Variants in CTNNA2 observed in about 807,000 individuals in gnomAD.
The protein encoded by CTNNA2 is catenin alpha 2.
CTNNA2 carries 42 observed loss-of-function variants against 101.0 expected under a neutral mutation model. The observed-to-expected ratio is 0.42, with a 90% CI of 0.32 to 0.54. The LOEUF is 0.54. CTNNA2 is among the 20% of genes least tolerant of loss of function. The pLI, the probability that CTNNA2 is intolerant of heterozygous loss-of-function variation, is 0.14. For synonymous variants in CTNNA2, 450 were observed against 456.4 expected (o/e 0.99, Z 0.18); for missense variants, 871 against 1,223.1 (o/e 0.71, Z 4.29).
chr2:79,544,038 A>C (rs1255555502), intron 1 of CTNNA2, among the ~76,000 whole-genome samples: 1 of 152,110 alleles, frequency 6.6e-6, no homozygotes, highest in East Asian at 1.9e-4. Flanking sequence ...TCCTGGGTTC[A>C]AGAGATTCTC....
At chr2:79,961,251 A>C (rs1246708333) in intron 7 of CTNNA2, among the ~76,000 whole-genome samples, 1 of 152,182 alleles carries the variant, frequency 6.6e-6, no homozygotes, top group Non-Finnish European at 1.5e-5. Context: ...TGTGCTGGGC[A>C]CAGACTTAAG....
At chr2:79,230,560 G>C (rs538688974) in intron 2 of CTNNA2, among the ~76,000 whole-genome samples, 1 of 152,302 alleles carries the variant, frequency 6.6e-6, no homozygotes, top group South Asian at 2.1e-4. Flanking sequence ...TTCTGCTATG[G>C]CAGTGCGGAA....
At chr2:80,125,975 G>A (rs2148886112) in intron 7 of CTNNA2, among the ~76,000 whole-genome samples, 1 of 152,194 alleles carries the variant, frequency 6.6e-6, no homozygotes, top group East Asian at 1.9e-4. Flanking sequence ...AATAATGATT[G>A]GAAAGTGCTT....
chr2:80,072,721 G>A lies in CTNNA2; in HGVS notation c.1056+162924G>A, dbSNP rs1297333672. Reference sequence around the variant, plus strand: ...ACATGTCATCAGTGAATTATTGTGGGCAATGCAAAAAGGGAAGGTGGAGCA... The same window carrying A: ...ACATGTCATCAGTGAATTATTGTGGACAATGCAAAAAGGGAAGGTGGAGCA... On this transcript the variant is annotated intron_variant, in intron 7 of 18. Transcript: ENST00000402739. 2.0e-5 allele frequency among the ~76,000 whole-genome samples: 3 copies of A among 152,034 alleles called. No individual in the cohort carries two copies. In the East Asian group the frequency reaches 5.8e-4, roughly 29 times the overall value.
intron 2 of CTNNA2, among the ~76,000 whole-genome samples, chr2:79,311,229 G>T (rs1676360614): frequency 6.6e-6 from 1 of 151,930 alleles, no homozygotes; most frequent in African/African-American, 2.4e-5. Flanking sequence ...CTAACACGGT[G>T]AAGCCCCGTC....
At chr2:79,846,486 A>T (rs371296005) in intron 3 of CTNNA2, among the ~76,000 whole-genome samples, 17 of 152,238 alleles carry the variant, frequency 1.1e-4, no homozygotes, top group East Asian at 7.7e-4. Context: ...AAATTTGGAG[A>T]TGCCGTAATG....
intron 7 of CTNNA2, among the ~76,000 whole-genome samples, chr2:80,099,480 T>G (rs1188693170): frequency 6.6e-6 from 1 of 152,130 alleles, no homozygotes; most frequent in Admixed American, 6.5e-5. Context: ...GAGAAACAAT[T>G]GAAGCAACCA....
chr2:79,935,767 A>C (rs549769139), intron 7 of CTNNA2, among the ~76,000 whole-genome samples: 4 of 152,250 alleles, frequency 2.6e-5, no homozygotes, highest in Non-Finnish European at 5.9e-5. Context: ...TTTCGAAAGA[A>C]TGTTGACAGA....
chr2:80,618,006 G>A (rs1451255925), intron 17 of CTNNA2, among the ~76,000 whole-genome samples: 1 of 151,676 alleles, frequency 6.6e-6, no homozygotes, highest in Non-Finnish European at 1.5e-5. Context: ...CCTTTTATGT[G>A]GATGGTTTCA....
intron 15 of CTNNA2, among the ~76,000 whole-genome samples, chr2:80,603,045 G>A (rs140432561): frequency 1.2e-4 from 19 of 152,074 alleles, no homozygotes; most frequent in African/African-American, 4.6e-4. Context: ...ACCCTACACG[G>A]TCTGAATAAA....
At position 80,343,617 on chromosome 2, in the gene CTNNA2, G is replaced by A. The variant is rs80247852; in HGVS notation, c.1057-49594G>A. ...TTGGCCTGCAAATTCAGGATAAAGGGCACAAGGAAAAAACAAACTTACCAT... is the reference window on the plus strand; with the variant it reads ...TTGGCCTGCAAATTCAGGATAAAGGACACAAGGAAAAAACAAACTTACCAT... On this transcript the variant is annotated intron_variant, in intron 7 of 18. Coordinates refer to ENST00000402739, the MANE Select transcript of CTNNA2 (RefSeq NM_001282597.3). 1.9e-3 allele frequency among the ~76,000 whole-genome samples: 288 copies of A among 152,116 alleles called. No homozygotes were observed. In the East Asian group the frequency reaches 0.023, roughly 12 times the overall value.
At chr2:80,523,133 G>A (rs1392866973) in intron 9 of CTNNA2, among the ~76,000 whole-genome samples, 1 of 152,124 alleles carries the variant, frequency 6.6e-6, no homozygotes, top group Non-Finnish European at 1.5e-5. Context: ...AGGAAGTATT[G>A]AATAGGTGCC....
At position 80,555,737 on chromosome 2, in the gene CTNNA2, C is replaced by G. The variant is rs1279251577; in HGVS notation, c.1585C>G (p.Gln529Glu). 6.3e-7 allele frequency: 1 copy of G among 1,579,522 alleles called. No homozygotes were observed. The highest frequency in any genetic ancestry group is 1.8e-5 in the Admixed American group (1 of 55,208). ...TGTGAACAAGTGTGTGATAGCCCTC[C>G]AAGAGGGCGATGTGGACACTCTGGA... The part of the protein sequence containing the change: ...EDVNKCVIAL[Q>E]EGDVDTLDRT... Residue 529 changes from glutamine (Q) to glutamate (E), a missense_variant, in exon 12 of 19, where the codon CAA becomes GAA. Physicochemically the swap from Gln to Glu is conservative, Grantham distance 29. Around this residue, in one of 5 missense-constraint regions of CTNNA2, gnomAD observed 647 missense variants for 831.5 expected, o/e 0.78. Transcript: ENST00000402739.
chr2:79,383,375 T>C (rs1409481608), intron 4 of CTNNA2, among the ~76,000 whole-genome samples: 1 of 152,116 alleles, frequency 6.6e-6, no homozygotes, highest in East Asian at 1.9e-4. Flanking sequence ...GGAATGGACC[T>C]TGAAGGATAG....
chr2:79,697,251 T>C (rs1422395901), intron 2 of CTNNA2, among the ~76,000 whole-genome samples: 2 of 152,160 alleles, frequency 1.3e-5, no homozygotes, highest in South Asian at 2.1e-4. Context: ...AGTTATGCAA[T>C]GTCACTCCTG....
chr2:79,418,026 G>A (rs1460145624), intron 4 of CTNNA2, among the ~76,000 whole-genome samples: 3 of 152,020 alleles, frequency 2.0e-5, no homozygotes, highest in East Asian at 3.9e-4. Context: ...AGGGGTAGGC[G>A]GATAGGGTAT....
chr2:79,257,947 G>A (rs1558589361), intron 2 of CTNNA2, among the ~76,000 whole-genome samples: 3 of 152,036 alleles, frequency 2.0e-5, no homozygotes. Flanking sequence ...GTCTTTCTTT[G>A]GCAATCTTTG....
intron 1 of CTNNA2, among the ~76,000 whole-genome samples, chr2:79,632,996 C>A (rs932230522): frequency 6.6e-6 from 1 of 152,144 alleles, no homozygotes; most frequent in Non-Finnish European, 1.5e-5. Context: ...AAGTGCTGGG[C>A]AGATTTTCAC....
At chr2:80,400,938 G>A (rs943951246) in intron 8 of CTNNA2, among the ~76,000 whole-genome samples, 1 of 152,092 alleles carries the variant, frequency 6.6e-6, no homozygotes, top group Non-Finnish European at 1.5e-5. Flanking sequence ...AGATCCTTCT[G>A]CCTTTGCACT....
Sources: allele counts gnomAD v4.1 joint callset (sites outside exome capture counted in the v4.1 genomes callset), GRCh38; gene constraint gnomAD v4.1.1; regional missense constraint gnomAD v4.1.1; transcripts MANE v1.5; gene names NCBI Gene and HGNC (gene_info 2026-07-23, HGNC 2026-07-21).